Variants in APBA1 observed in about 807,000 individuals in gnomAD.
The protein encoded by APBA1 is amyloid-beta A4 precursor protein-binding family A member 1.
A neutral mutation model predicts 86.6 loss-of-function variants in APBA1; 55 were observed. That is an observed-to-expected ratio of 0.64 (90% CI 0.51 to 0.80). The LOEUF (loss-of-function observed/expected upper bound fraction) is 0.80. Among genes scored for constraint, APBA1 ranks in the 30% least tolerant of loss-of-function variants. APBA1 has a pLI of 0.00. For synonymous variants in APBA1, 511 were observed against 493.9 expected (o/e 1.03, Z -0.46); for missense variants, 1,090 against 1,183.0 (o/e 0.92, Z 1.15).
chr9:69,596,652 G>A (rs1026695156), intron 1 of APBA1, among the ~76,000 whole-genome samples: 8 of 152,148 alleles, frequency 5.3e-5, no homozygotes, highest in Non-Finnish European at 1.2e-4. Flanking sequence ...CTCCTCCACA[G>A]ATGTTGCATT....
At chr9:69,573,765 T>C (rs1837152764) in intron 1 of APBA1, among the ~76,000 whole-genome samples, 1 of 152,178 alleles carries the variant, frequency 6.6e-6, no homozygotes, top group Non-Finnish European at 1.5e-5. Flanking sequence ...ATATTACTCT[T>C]GGAGGGGCCT....
chr9:69,446,662 C>T (rs759031393), intron 10 of APBA1, among the ~76,000 whole-genome samples: 108 of 152,318 alleles, frequency 7.1e-4, no homozygotes, highest in Non-Finnish European at 1.0e-3. Flanking sequence ...CTGGTCCCCA[C>T]GCAGATAAGG....
At chr9:69,590,172 C>G (rs1447758094) in intron 1 of APBA1, among the ~76,000 whole-genome samples, 1 of 152,220 alleles carries the variant, frequency 6.6e-6, no homozygotes, top group Non-Finnish European at 1.5e-5. Context: ...GATGTACTAT[C>G]AATGTTTCTC....
intron 1 of APBA1, among the ~76,000 whole-genome samples, chr9:69,640,941 G>A (rs1823274400): frequency 8.9e-6 from 1 of 112,754 alleles, no homozygotes; most frequent in Non-Finnish European, 2.1e-5. Flanking sequence ...AGAGGGGAAA[G>A]GAGAGGGAGA....
chr9:69,559,840 T>C (rs191438921), intron 1 of APBA1, among the ~76,000 whole-genome samples: 1 of 152,352 alleles, frequency 6.6e-6, no homozygotes, highest in Non-Finnish European at 1.5e-5. Context: ...GTGGGTTTGA[T>C]TTTAGCAATG....
intron 1 of APBA1, among the ~76,000 whole-genome samples, chr9:69,581,516 T>A (rs1821913448): frequency 6.6e-6 from 1 of 152,226 alleles, no homozygotes; most frequent in African/African-American, 2.4e-5. Flanking sequence ...CGTGAATCAT[T>A]CACACTTCAA....
intron 2 of APBA1, among the ~76,000 whole-genome samples, chr9:69,481,584 T>A (rs1299455536): frequency 7.0e-6 from 1 of 142,500 alleles, no homozygotes; most frequent in East Asian, 2.0e-4. Flanking sequence ...CCCATCAAGC[T>A]ACCAATGACT....
intron 1 of APBA1, among the ~76,000 whole-genome samples, chr9:69,664,923 G>A (rs935507696): frequency 9.2e-5 from 14 of 152,298 alleles, no homozygotes; most frequent in African/African-American, 3.4e-4. Context: ...ATTATTATCT[G>A]TTAAAAATTC....
intron 2 of APBA1, among the ~76,000 whole-genome samples, chr9:69,499,552 G>A (rs1299433054): frequency 6.6e-6 from 1 of 151,728 alleles, no homozygotes; most frequent in Non-Finnish European, 1.5e-5. Flanking sequence ...CTTTTCGCTC[G>A]CCCTTGTAAG....
At position 69,655,363 on chromosome 9, in the gene APBA1, T is replaced by C. The variant is rs1029807634; in HGVS notation, c.-70+16790A>G. ...TCTCAAAGATCTCCCCAAAAACTATTAGAATGAGTAAGTAAATTCAGGAAA... is the reference window on the plus strand; with the variant it reads ...TCTCAAAGATCTCCCCAAAAACTATCAGAATGAGTAAGTAAATTCAGGAAA... On this transcript the variant is annotated intron_variant, in intron 1 of 12. Coordinates refer to ENST00000265381, the MANE Select transcript of APBA1 (RefSeq NM_001163.4). Among the ~76,000 whole-genome samples, 3 of 152,100 alleles carry C rather than the reference T, an allele frequency of 2.0e-5. No homozygotes were observed. In the East Asian group the frequency reaches 5.8e-4, roughly 29 times the overall value.
At chr9:69,565,277 C>T (rs1837007648) in intron 1 of APBA1, among the ~76,000 whole-genome samples, 1 of 152,006 alleles carries the variant, frequency 6.6e-6, no homozygotes, top group Admixed American at 6.6e-5. Context: ...GCCCAAAAGC[C>T]TTGGTGTAGG....
At chr9:69,447,677 A>G (rs10125502) in intron 10 of APBA1, among the ~76,000 whole-genome samples, 9,462 of 152,172 alleles carry the variant, frequency 0.062, 982 homozygotes, top group African/African-American at 0.21. Context: ...GTATGACCAC[A>G]GACGATTACA....
intron 1 of APBA1, among the ~76,000 whole-genome samples, chr9:69,655,024 C>T (rs548895436): frequency 2.0e-5 from 3 of 152,164 alleles, no homozygotes; most frequent in Admixed American, 2.0e-4. Context: ...GATAAAAATG[C>T]TCAACAAATT....
chr9:69,550,666 G>A (rs1373565625), intron 1 of APBA1, among the ~76,000 whole-genome samples: 2 of 152,308 alleles, frequency 1.3e-5, no homozygotes, highest in East Asian at 3.9e-4. Context: ...CTTACCCTGA[G>A]GAGTTTACAA....
chr9:69,636,922 G>GGAAGGAAGGAAAGACAGAAA (rs1331913719), intron 1 of APBA1, among the ~76,000 whole-genome samples: 3 of 63,970 alleles, frequency 4.7e-5, no homozygotes, highest in Non-Finnish European at 6.2e-5. Context: ...AAGGAAGGAA[G>GGAAGGAAGGAAAGACAGAAA]GAAAGAAAGA....
At position 69,631,351 on chromosome 9, in the gene APBA1, A is replaced by G. The variant is rs1823040007; in HGVS notation, c.-70+40802T>C. ...CAGAGAAATGCAAATCAAAACCACA[A>G]TGAGATACCATCTCACACCAGTTAG... On this transcript the variant is annotated intron_variant, in intron 1 of 12. Transcript: ENST00000265381. 2.0e-5 allele frequency among the ~76,000 whole-genome samples: 3 copies of G among 152,318 alleles called. No individual in the cohort carries two copies. In the South Asian group the frequency reaches 6.2e-4, roughly 32 times the overall value.
chr9:69,638,745 T>C (rs1490821333), intron 1 of APBA1, among the ~76,000 whole-genome samples: 1 of 152,216 alleles, frequency 6.6e-6, no homozygotes, highest in African/African-American at 2.4e-5. Context: ...TTGGTGTCTG[T>C]CTAGGCAAGT....
chr9:69,485,135 C>T (rs7021184), intron 2 of APBA1, among the ~76,000 whole-genome samples: 1 of 151,708 alleles, frequency 6.6e-6, no homozygotes, highest in Non-Finnish European at 1.5e-5. Context: ...ATTTTGAATT[C>T]GAGAAATAGT....
chr9:69,486,135 A>G (rs1835606154), intron 2 of APBA1, among the ~76,000 whole-genome samples: 1 of 151,996 alleles, frequency 6.6e-6, no homozygotes, highest in South Asian at 2.1e-4. Context: ...TATTTTTGGT[A>G]GAGATGGGGT....
Sources: gnomAD v4.1 joint callset for allele counts (sites outside exome capture counted in the v4.1 genomes callset) on GRCh38, gnomAD v4.1.1 for gene constraint, MANE v1.5 for transcripts, NCBI Gene and HGNC (gene_info 2026-07-23, HGNC 2026-07-21) for gene names.